Variants in ANKFN1 observed in about 807,000 individuals in gnomAD.
ANKFN1 encodes ankyrin repeat and fibronectin type-III domain-containing protein 1.
A neutral mutation model predicts 108.7 loss-of-function variants in ANKFN1; 74 were observed. That is an observed-to-expected ratio of 0.68 (90% CI 0.56 to 0.83). ANKFN1 has a LOEUF of 0.83. Among genes scored for constraint, ANKFN1 ranks in the 40% least tolerant of loss-of-function variants. The probability of loss-of-function intolerance (pLI) is 0.00; values close to 1 mark genes in which losing one functional copy is unlikely to be tolerated. For missense variants in ANKFN1, 1,505 were observed against 1,382.3 expected, an observed-to-expected ratio of 1.09 and a Z score of -1.41; for synonymous variants, 547 against 516.2, an observed-to-expected ratio of 1.06 and a Z score of -0.81.
At chr17:56,425,904 A>AGGATTAAGATT (rs2048550115) in intron 8 of ANKFN1, among the ~76,000 whole-genome samples, 1 of 152,166 alleles carries the variant, frequency 6.6e-6, no homozygotes, top group African/African-American at 2.4e-5. Context: ...CTTTGTTCAT[A>AGGATTAAGATT]TTTACATCCC....
intron 3 of ANKFN1, among the ~76,000 whole-genome samples, chr17:56,264,565 C>T (rs1169541654): frequency 6.6e-6 from 1 of 152,154 alleles, no homozygotes; most frequent in Non-Finnish European, 1.5e-5. Context: ...CTCATGTTCC[C>T]TGTGCTTTTC....
chr17:56,384,728 AAG>A (rs2047211259), intron 8 of ANKFN1, among the ~76,000 whole-genome samples: 1 of 152,190 alleles, frequency 6.6e-6, no homozygotes, highest in African/African-American at 2.4e-5. Context: ...AATTGCTTCA[AAG>A]AGAATAAAAT....
chr17:56,374,334 C>T (rs1195869845), intron 7 of ANKFN1, among the ~76,000 whole-genome samples: 1 of 152,172 alleles, frequency 6.6e-6, no homozygotes, highest in Non-Finnish European at 1.5e-5. Flanking sequence ...AGCCCAATCT[C>T]CTATCGTGTT....
intron 1 of ANKFN1, among the ~76,000 whole-genome samples, chr17:56,208,944 C>A (rs754894288): frequency 3.3e-5 from 5 of 152,026 alleles, no homozygotes; most frequent in Non-Finnish European, 5.9e-5. Context: ...GTAGCACGAT[C>A]TCAGCTAACT....
At chr17:56,485,223 A>G (rs2050819636) in intron 18 of ANKFN1, among the ~76,000 whole-genome samples, 1 of 152,234 alleles carries the variant, frequency 6.6e-6, no homozygotes, top group African/African-American at 2.4e-5. Flanking sequence ...ACCAATCAAT[A>G]AACCATAATA....
chr17:56,340,422 T>C (rs2045930630), intron 4 of ANKFN1, among the ~76,000 whole-genome samples: 1 of 145,366 alleles, frequency 6.9e-6, no homozygotes, highest in African/African-American at 2.8e-5. Flanking sequence ...TCTTCCAGGG[T>C]TTTTTTTATA....
At chr17:56,320,391 A>G (rs1260185537) in intron 3 of ANKFN1, among the ~76,000 whole-genome samples, 1 of 152,194 alleles carries the variant, frequency 6.6e-6, no homozygotes, top group African/African-American at 2.4e-5. Context: ...ATAAGGATAA[A>G]TGGGCTTCAT....
chr17:56,394,361 T>A (rs1374875568), intron 8 of ANKFN1, among the ~76,000 whole-genome samples: 2 of 152,156 alleles, frequency 1.3e-5, no homozygotes, highest in Non-Finnish European at 2.9e-5. Flanking sequence ...AGCTTATTCC[T>A]CCCTCTTCCC....
intron 4 of ANKFN1, among the ~76,000 whole-genome samples, chr17:56,127,643 C>T (rs998050218): frequency 3.9e-5 from 6 of 152,196 alleles, no homozygotes; most frequent in African/African-American, 1.2e-4. Context: ...AGACAAAAAA[C>T]ACAGTTTAGG....
chr17:56,048,252 T>G (rs899090405), intron 4 of ANKFN1, among the ~76,000 whole-genome samples: 1 of 151,952 alleles, frequency 6.6e-6, no homozygotes, highest in African/African-American at 2.4e-5. Context: ...CTTATAGTTT[T>G]TTTCATAATT....
chr17:56,217,097 C>T (rs571524803), intron 2 of ANKFN1, among the ~76,000 whole-genome samples: 1 of 152,288 alleles, frequency 6.6e-6, no homozygotes, highest in African/African-American at 2.4e-5. Flanking sequence ...AGGAATCTTA[C>T]TCTACAGAAC....
chr17:56,482,673 C>A, intron 18 of ANKFN1, 149 bp downstream of exon 18: 1 of 932,760 alleles, frequency 1.1e-6, no homozygotes, highest in South Asian at 2.9e-5. Flanking sequence ...GTGTACAAGT[C>A]TGAGAAAAAG....
chr17:56,284,496 T>A, intron 3 of ANKFN1, among the ~76,000 whole-genome samples: 1 of 152,206 alleles, frequency 6.6e-6, no homozygotes, highest in Non-Finnish European at 1.5e-5. Context: ...CAATTTATAG[T>A]GATTGAATTT....
chr17:56,133,840 G>A (rs1598123548), intron 4 of ANKFN1, among the ~76,000 whole-genome samples: 2 of 151,696 alleles, frequency 1.3e-5, no homozygotes, highest in East Asian at 3.9e-4. Flanking sequence ...GACACCAGAT[G>A]TGCAGGGATA....
intron 8 of ANKFN1, among the ~76,000 whole-genome samples, chr17:56,377,372 C>A (rs987229069): frequency 6.6e-6 from 1 of 152,198 alleles, no homozygotes; most frequent in African/African-American, 2.4e-5. Context: ...AGGCCAACTG[C>A]CATCACAACT....
At chr17:56,498,698 C>T (rs190295809) in intron 19 of ANKFN1, among the ~76,000 whole-genome samples, 184 bp from the exon 20 acceptor site, 62 of 152,164 alleles carry the variant, frequency 4.1e-4, no homozygotes, top group Admixed American at 2.0e-3. Context: ...GGTAAAAATA[C>T]GCAAAACAAA....
chr17:56,372,830 T>C lies in ANKFN1; in HGVS notation c.786T>C (p.Phe262=). The C allele has an allele frequency of 6.2e-7, 1 of 1,612,986 alleles. No homozygotes were observed. Among genetic ancestry groups the C allele is most frequent in the South Asian group, 1.1e-5 (1 of 91,000 alleles). ...YRLYRRMKTG[F]EHARAPEMPT... ...TCTACAGACGCATGAAAACAGGCTT[T>C]GAGCATGCCAGTGAGTATAAGCAGA... Residue 262 remains phenylalanine (F), a synonymous_variant, in exon 7 of 21, where the codon TTT becomes TTC. Transcript: ENST00000682825.
chr17:56,500,078 G>A (rs978372493), intron 20 of ANKFN1, among the ~76,000 whole-genome samples: 1 of 152,168 alleles, frequency 6.6e-6, no homozygotes, highest in Admixed American at 6.5e-5. Flanking sequence ...GTATGAGCTT[G>A]AACAGATTAC....
chr17:56,191,934 T>C (rs79579334), intron 1 of ANKFN1, among the ~76,000 whole-genome samples: 1 of 151,760 alleles, frequency 6.6e-6, no homozygotes. Flanking sequence ...TTTTTCTCTA[T>C]ACTTCCCTTC....
Sources: gnomAD v4.1 joint callset for allele counts (sites outside exome capture counted in the v4.1 genomes callset) on GRCh38, gnomAD v4.1.1 for gene constraint, MANE v1.5 for transcripts, NCBI Gene and HGNC (gene_info 2026-07-23, HGNC 2026-07-21) for gene names.